TPTE2: variants seen among roughly 807,000 people sequenced by gnomAD.
The protein encoded by TPTE2 is transmembrane phosphoinositide 3-phosphatase and tensin homolog 2.
TPTE2 carries 53 observed loss-of-function variants against 78.6 expected under a neutral mutation model. The observed-to-expected ratio is 0.67, with a 90% CI of 0.54 to 0.85. TPTE2 has a LOEUF of 0.85. Among genes scored for constraint, TPTE2 ranks in the 40% least tolerant of loss-of-function variants. The probability of loss-of-function intolerance (pLI) is 0.00; values close to 1 mark genes in which losing one functional copy is unlikely to be tolerated. For synonymous variants in TPTE2, 175 were observed against 206.2 expected, an observed-to-expected ratio of 0.85 and a Z score of 1.30; for missense variants, 461 against 623.0, an observed-to-expected ratio of 0.74 and a Z score of 2.77.
At chr13:19,460,625 C>A (rs1038960692) in intron 10 of TPTE2, among the ~76,000 whole-genome samples, 11 of 152,106 alleles carry the variant, frequency 7.2e-5, no homozygotes, top group African/African-American at 2.7e-4. Flanking sequence ...GATGATGACT[C>A]AGGCCAGGGA....
intron 13 of TPTE2, among the ~76,000 whole-genome samples, chr13:19,442,733 T>C (rs899416516): frequency 6.6e-6 from 1 of 152,096 alleles, no homozygotes; most frequent in Non-Finnish European, 1.5e-5. Flanking sequence ...AAAGGGAACA[T>C]CTCTGCAGAC....
intron 10 of TPTE2, among the ~76,000 whole-genome samples, chr13:19,460,063 G>A (rs1283950218): frequency 6.6e-6 from 1 of 152,162 alleles, no homozygotes; most frequent in Non-Finnish European, 1.5e-5. Context: ...AGATACATAT[G>A]GACAGATTTC....
upstream of TPTE2, among the ~76,000 whole-genome samples, chr13:19,537,614 T>C (rs1871287139): frequency 6.6e-6 from 1 of 151,266 alleles, no homozygotes; most frequent in Admixed American, 6.6e-5. Flanking sequence ...TTTTTTGTTT[T>C]TTTTTTGAGC....
chr13:19,491,838 T>A (rs1268577307), intron 3 of TPTE2, among the ~76,000 whole-genome samples: 1 of 151,994 alleles, frequency 6.6e-6, no homozygotes, highest in African/African-American at 2.4e-5. Context: ...ATAATAATAA[T>A]AATAGAAATA....
chr13:19,531,709 C>T (rs1736839945), intron 1 of TPTE2, among the ~76,000 whole-genome samples: 1 of 151,648 alleles, frequency 6.6e-6, no homozygotes, highest in African/African-American at 2.4e-5. Context: ...GACAGATCAC[C>T]TGAGGTCAGG....
At chr13:19,438,773 A>G (rs984479100) in intron 13 of TPTE2, among the ~76,000 whole-genome samples, 2 of 152,204 alleles carry the variant, frequency 1.3e-5, no homozygotes, top group Non-Finnish European at 2.9e-5. Context: ...TTAATTCAAG[A>G]AAGAAAATGG....
At chr13:19,431,905 TGA>T (rs1251778294) in intron 16 of TPTE2, among the ~76,000 whole-genome samples, 1 of 110,528 alleles carries the variant, frequency 9.0e-6, no homozygotes, top group Non-Finnish European at 2.1e-5. Context: ...GTGGGAGTGG[TGA>T]GGCCCCATTC....
chr13:19,524,239 G>C (rs1008752030), intron 1 of TPTE2, among the ~76,000 whole-genome samples: 1 of 152,158 alleles, frequency 6.6e-6, no homozygotes, highest in Non-Finnish European at 1.5e-5. Flanking sequence ...TATGACAAGT[G>C]AACCAATAAG....
chr13:19,513,329 T>C (rs1237629186), intron 1 of TPTE2, among the ~76,000 whole-genome samples: 1 of 152,218 alleles, frequency 6.6e-6, no homozygotes. Context: ...TAAATATGAC[T>C]TAGCTTACTT....
rs575217407 is a variant in TPTE2, at chr13:19,515,947, C to A, written c.-43-12670G>T. 2.4e-4 allele frequency among the ~76,000 whole-genome samples: 36 copies of A among 152,350 alleles called. 1 individual carries two copies. In the South Asian group the frequency reaches 7.3e-3, roughly 31 times the overall value. ...GGCATGAGACATCCATAGATGTGAA[C>A]TCCTTTCAGGGAGAGTATTGCATGA... On this transcript the variant is annotated intron_variant, in intron 1 of 17. Coordinates refer to the TPTE2 transcript ENST00000390680.
intron 13 of TPTE2, 171 bp from the exon 17 acceptor site, chr13:19,438,324 C>T (rs1257376413): frequency 4.1e-6 from 4 of 985,234 alleles, no homozygotes; most frequent in East Asian, 1.1e-4. Context: ...GCAACCTCCG[C>T]CTCACAGGTG....
intron 10 of TPTE2, among the ~76,000 whole-genome samples, chr13:19,455,802 C>T (rs1878507150): frequency 6.6e-6 from 1 of 152,138 alleles, no homozygotes; most frequent in African/African-American, 2.4e-5. Context: ...TTTTTATTAT[C>T]TTGATAGATG....
the TPTE2 span, among the ~76,000 whole-genome samples, chr13:19,548,947 C>G: frequency 5.9e-5 from 9 of 151,888 alleles, no homozygotes; most frequent in Non-Finnish European, 1.0e-4. Flanking sequence ...GGCAAAACCC[C>G]GTCTATATGA....
At chr13:19,495,799 AGACTT>A (rs1428537285) in intron 1 of TPTE2, among the ~76,000 whole-genome samples, 1 of 152,176 alleles carries the variant, frequency 6.6e-6, no homozygotes, top group African/African-American at 2.4e-5. Context: ...GTAACTTCCT[AGACTT>A]AAGATTTTCA....
intron 3 of TPTE2, among the ~76,000 whole-genome samples, chr13:19,487,133 C>T (rs1880708687): frequency 6.6e-6 from 1 of 152,020 alleles, no homozygotes; most frequent in Admixed American, 6.6e-5. Flanking sequence ...TGGGGGGTGG[C>T]CTAAAGGGCT....
At chr13:19,495,873 G>T (rs1881281857) in intron 1 of TPTE2, among the ~76,000 whole-genome samples, 1 of 151,960 alleles carries the variant, frequency 6.6e-6, no homozygotes, top group Non-Finnish European at 1.5e-5. Flanking sequence ...GTTTGTTGCT[G>T]TTGTTTGTTT....
upstream of TPTE2, among the ~76,000 whole-genome samples, chr13:19,504,081 CCA>C (rs1305688901): frequency 1.4e-4 from 21 of 152,116 alleles, no homozygotes; most frequent in African/African-American, 5.1e-4. Context: ...ACTGATAGCT[CCA>C]CTCCAGGGTA....
intron 6 of TPTE2, among the ~76,000 whole-genome samples, chr13:19,469,436 ATAATTTGAAGTCAGG>A (rs1879476138): frequency 6.6e-6 from 1 of 152,262 alleles, no homozygotes; most frequent in Admixed American, 6.5e-5. Flanking sequence ...GTTCTGTAGT[ATAATTTGAAGTCAGG>A]TAATGTGATT....
chr13:19,458,339 A>C, intron 10 of TPTE2: 1 of 279,880 alleles, frequency 3.6e-6, no homozygotes, highest in Non-Finnish European at 7.2e-6. Context: ...ATCATAGGAC[A>C]CATAAAAAAG....
Sources: gnomAD v4.1 joint callset for allele counts (sites outside exome capture counted in the v4.1 genomes callset) on GRCh38, gnomAD v4.1.1 for gene constraint, MANE v1.5 for transcripts, NCBI Gene and HGNC (gene_info 2026-07-23, HGNC 2026-07-21) for gene names.